The following MROH1 variants were observed in gnomAD, a reference collection of about 807,000 sequenced individuals.
MROH1 encodes the protein maestro heat-like repeat-containing protein family member 1.
In MROH1, 117 loss-of-function variants were observed where a neutral mutation model predicts 116.5. That is an observed-to-expected ratio of 1.00 (90% CI 0.86 to 1.17). The LOEUF is 1.17. Among genes scored for constraint, MROH1 ranks in the 50% most tolerant of loss-of-function variants. MROH1 has a pLI of 0.00. For synonymous variants in MROH1, 921 were observed against 583.9 expected, an observed-to-expected ratio of 1.58 and a Z score of -8.32; for missense variants, 1,873 against 1,338.5, an observed-to-expected ratio of 1.40 and a Z score of -6.23.
At chr8:144,174,904 C>T (rs1407796765) in intron 4 of MROH1, 2 of 985,296 alleles carry the variant, frequency 2.0e-6, no homozygotes, top group Non-Finnish European at 2.4e-6. Flanking sequence ...AGCACTCAAT[C>T]ACCAGGACAC....
intron 1 of MROH1, among the ~76,000 whole-genome samples, chr8:144,149,206 G>T (rs1816149353): frequency 1.4e-4 from 21 of 152,182 alleles, no homozygotes; most frequent in Non-Finnish European, 1.5e-5. Flanking sequence ...TGACGTGGCT[G>T]CATGGACAGT....
chr8:144,152,691 C>T (rs1013208569), intron 1 of MROH1, among the ~76,000 whole-genome samples: 9 of 152,158 alleles, frequency 5.9e-5, no homozygotes, highest in East Asian at 3.9e-4. Context: ...GGACTACAGG[C>T]GCCCGCCACC....
rs1463915924 is a variant in MROH1 at position 144,249,646 on chromosome 8, T to G, written c.3274-566T>G. ...GGGCCAGCGTCCTCCTGCCCACGTT[T>G]CCCCCGCGTTCCGTTCACCTGCTTT... is the stretch of plus-strand genomic sequence containing the variant. On this transcript the variant is annotated intron_variant, in intron 32 of 43. Coordinates refer to ENST00000326134, the MANE Select transcript of MROH1 (RefSeq NM_032450.3). 2.6e-5 allele frequency among the ~76,000 whole-genome samples: 4 copies of G among 152,082 alleles called. No individual in the cohort carries two copies. The East Asian group carries it at 7.7e-4, about 29-fold the overall frequency.
Position 144,200,445 on chromosome 8 carries a change from C to A in MROH1, c.1045C>A (p.Arg349Ser). 6.5e-7 allele frequency: 1 copy of A among 1,550,202 alleles called. No individual in the cohort carries two copies. Among genetic ancestry groups the A allele is most frequent in the Non-Finnish European group, 8.7e-7 (1 of 1,146,948 alleles). ...FTVLACSSPD[R>S]LLAFLLPRLD... ...CCCTGTAGCCTGCAGCTCGCCTGAC[C>A]GCCTACTGGCCTTCCTGCTGCCCAG... The change falls in exon 12 of 44, where the codon CGC becomes AGC. Residue 349 changes from arginine (R) to serine (S), a missense_variant. Physicochemically the swap from Arg to Ser is moderately radical, Grantham distance 110 (BLOSUM62 -1). Coordinates refer to ENST00000326134, the MANE Select transcript of MROH1 (RefSeq NM_032450.3).
chr8:144,204,241 G>C (rs965689281), intron 12 of MROH1, among the ~76,000 whole-genome samples: 17 of 152,298 alleles, frequency 1.1e-4, no homozygotes, highest in African/African-American at 4.1e-4. Context: ...CTCCCAAGCA[G>C]CTGGGACTGC....
At chr8:144,158,032 G>T (rs1398662127) in intron 1 of MROH1, among the ~76,000 whole-genome samples, 50 of 121,848 alleles carry the variant, frequency 4.1e-4, no homozygotes, top group African/African-American at 1.5e-3. Context: ...TGGCTCTGTC[G>T]CCCAGGTTGG....
rs11377533 is a variant in MROH1 at position 144,209,578 on chromosome 8, C to CAA, written c.1141+9049_1141+9050dup. On this transcript the variant is annotated intron_variant, in intron 12 of 43. Transcript: ENST00000326134. ...TGGGCGACAGAGTGAGACTCCGTCT[C>CAA]AAAAAAAAAAAAAGAAAAAAGAAAA... 2.2e-3 allele frequency among the ~76,000 whole-genome samples: 282 copies of CAA among 131,092 alleles called. 4 individuals are homozygous for CAA. Among genetic ancestry groups the CAA allele is most frequent in the South Asian group, 7.0e-3 (28 of 3,984 alleles). 86.0% of individuals were successfully genotyped at this position (131,092 alleles called of 152,430 possible).
At chr8:144,220,453 C>T (rs1836466397) in intron 12 of MROH1, 147 bp from the exon 13 acceptor site, 2 of 624,294 alleles carry the variant, frequency 3.2e-6, no homozygotes, top group South Asian at 2.0e-5. Flanking sequence ...ATCATTTGTC[C>T]CCTGAAGAAA....
intron 20 of MROH1, 24 bp from the exon 21 acceptor site, chr8:144,240,968 C>T: frequency 1.4e-6 from 1 of 731,242 alleles, no homozygotes; most frequent in Non-Finnish European, 2.5e-6. Flanking sequence ...TCAGGCAGAG[C>T]CGTGTTCTCT....
intron 4 of MROH1, among the ~76,000 whole-genome samples, chr8:144,169,605 C>A (rs1821926623): frequency 6.7e-6 from 1 of 149,756 alleles, no homozygotes; most frequent in African/African-American, 2.4e-5. Flanking sequence ...GTGTGCACCA[C>A]CACACACGGC....
intron 1 of MROH1, among the ~76,000 whole-genome samples, chr8:144,156,780 C>T (rs1277307741): frequency 3.3e-4 from 27 of 82,300 alleles, no homozygotes; most frequent in Non-Finnish European, 4.5e-4. Flanking sequence ...AGTTTAATTT[C>T]TTTTTTTTTT....
At chr8:144,198,047 C>CAAA (rs11366876) in intron 10 of MROH1, among the ~76,000 whole-genome samples, 1 of 116,822 alleles carries the variant, frequency 8.6e-6, no homozygotes, top group Non-Finnish European at 1.8e-5. Context: ...AAAACTGTTT[C>CAAA]AAAAAAAAAA....
chr8:144,200,127 TCTTGTGGGCCCC>T (rs1411542203), intron 11 of MROH1, among the ~76,000 whole-genome samples: 1 of 152,108 alleles, frequency 6.6e-6, no homozygotes, highest in African/African-American at 2.4e-5. Flanking sequence ...CTGATGGCCC[TCTTGTGGGCCCC>T]CTTGTGAGCT....
At chr8:144,155,247 G>A (rs1201250347) in intron 1 of MROH1, among the ~76,000 whole-genome samples, 1 of 152,068 alleles carries the variant, frequency 6.6e-6, no homozygotes, top group East Asian at 1.9e-4. Flanking sequence ...CACCGCACCC[G>A]GCCTCTCAAT....
At chr8:144,239,981 G>C in intron 18 of MROH1, 120 bp from the exon 19 acceptor site, 1 of 712,038 alleles carries the variant, frequency 1.4e-6, no homozygotes, top group Non-Finnish European at 2.6e-6. Context: ...GAGCAGGTGG[G>C]GGGCAGCGGG....
At chr8:144,229,849 C>A (rs1174332607) in intron 14 of MROH1, among the ~76,000 whole-genome samples, 1 of 152,052 alleles carries the variant, frequency 6.6e-6, no homozygotes, top group Non-Finnish European at 1.5e-5. Context: ...GCCTGGCCAA[C>A]ATGGTGAAAC....
intron 14 of MROH1, among the ~76,000 whole-genome samples, chr8:144,223,985 T>C (rs974923219): frequency 1.3e-5 from 2 of 152,166 alleles, no homozygotes; most frequent in Non-Finnish European, 2.9e-5. Context: ...AAGTGCGTGG[T>C]CGTCAGTGAG....
At position 144,199,169 on chromosome 8, in the gene MROH1, G is replaced by C; in HGVS notation, c.996G>C (p.Gln332His). ...ESSSPLVMSN[Q>H]KEVLRCFTVL... is the part of the protein sequence containing the mutation. The stretch of plus-strand genomic sequence containing the variant: ...CAAGCCCCCTGGTGATGAGTAACCA[G>C]AAGGAGGTGCTGCGCTGCTTCACTG... Residue 332 changes from glutamine to histidine, a missense_variant, in exon 11 of 44, where the codon CAG becomes CAC. By Grantham distance (24) the Gln-to-His change is conservative. Coordinates refer to ENST00000326134, the MANE Select transcript of MROH1 (RefSeq NM_032450.3). 1 of 1,613,758 alleles carries C rather than the reference G, an allele frequency of 6.2e-7. No homozygotes were observed. Among genetic ancestry groups the C allele is most frequent in the Middle Eastern group, 1.6e-4 (1 of 6,062 alleles).
Position 144,155,778 on chromosome 8 carries a change from C to T in MROH1, c.-176-5192C>T, listed in dbSNP as rs1049410989. 3.9e-3 allele frequency among the ~76,000 whole-genome samples: 595 copies of T among 151,790 alleles called. 3 individuals carry two copies. The highest frequency in any genetic ancestry group is 5.3e-3 in the Non-Finnish European group (357 of 67,908). ...CCTCCTGAGTAGCTGGGACTACAGG[C>T]GCCCACCACCACTCAGGCTAATTTT... On this transcript the variant is annotated intron_variant, in intron 1 of 43. Transcript: ENST00000326134.
Sources: allele counts gnomAD v4.1 joint callset (sites outside exome capture counted in the v4.1 genomes callset), GRCh38; gene constraint gnomAD v4.1.1; transcripts MANE v1.5; gene names NCBI Gene and HGNC (gene_info 2026-07-23, HGNC 2026-07-21).